TRIM72: variants seen among roughly 807,000 people sequenced by gnomAD.
TRIM72 encodes tripartite motif containing 72.
In TRIM72, 33 loss-of-function variants were observed where a neutral mutation model predicts 31.6. The ratio of observed to expected loss-of-function variants is 1.04; its 90% CI spans 0.79 to 1.40. TRIM72 has a LOEUF of 1.40. Ranked by LOEUF, TRIM72 falls within the 40% of genes most tolerant of loss-of-function variation. The pLI, the probability that TRIM72 is intolerant of heterozygous loss-of-function variation, is 0.00. For synonymous variants in TRIM72, 301 were observed against 314.4 expected (o/e 0.96, Z 0.45); for missense variants, 666 against 682.7 (o/e 0.98, Z 0.27).
In TRIM72 at chr16:31,224,443, G is replaced by C; in HGVS notation, c.1122G>C (p.Ala374=). The stretch of plus-strand genomic sequence containing the variant: ...CCCCCCGCCGCGGGCGCCTGCACGC[G>C]GTGCCCTCGCAGGGCCTGTGGCTGC... ...AEAPRRGRLH[A]VPSQGLWLLG... The change falls in exon 7 of 7, where the codon GCG becomes GCC. Residue 374 remains alanine, a synonymous_variant. Coordinates refer to ENST00000322122, the MANE Select transcript of TRIM72 (RefSeq NM_001008274.4). 7.0e-7 allele frequency: 1 copy of C among 1,437,072 alleles called. No homozygotes were observed. Among genetic ancestry groups the C allele is most frequent in the Non-Finnish European group, 9.0e-7 (1 of 1,108,362 alleles). 89.0% of individuals were successfully genotyped at this position (1,437,072 alleles called of 1,614,324 possible).
chr16:31,222,561 G>T (rs2079538783), intron 5 of TRIM72, among the ~76,000 whole-genome samples: 2 of 140,012 alleles, frequency 1.4e-5, no homozygotes, highest in African/African-American at 5.3e-5. Flanking sequence ...TGAGCCTCCT[G>T]AGTCAGCCTC....
chr16:31,222,988 T>C, intron 6 of TRIM72, 43 bp downstream of exon 6: 1 of 1,505,322 alleles, frequency 6.6e-7, no homozygotes, highest in Non-Finnish European at 9.1e-7. Flanking sequence ...GACCAGGCAG[T>C]TGATGGGAGG....
At chr16:31,224,109 C>G (rs1002563537) in intron 6 of TRIM72, 72 bp from the exon 7 acceptor site, 1 of 1,516,866 alleles carries the variant, frequency 6.6e-7, no homozygotes, top group African/African-American at 1.4e-5. Flanking sequence ...AGAAAGCTGG[C>G]CTGCAATTGG....
At chr16:31,220,038 C>G (rs960379588) in intron 4 of TRIM72, among the ~76,000 whole-genome samples, 1 of 151,118 alleles carries the variant, frequency 6.6e-6, no homozygotes, top group Non-Finnish European at 1.5e-5. Flanking sequence ...GCTGGGATTA[C>G]AGGCGTGAGC....
At position 31,226,224 on chromosome 16, in the gene TRIM72, G is replaced by A. The variant is rs993557301; in HGVS notation, c.*1469G>A. ...CTTCACTGTCAGTGTAGAGGCATAG[G>A]TCCAAAATATGTTTCCCCAGTCAAA... is the stretch of plus-strand genomic sequence containing the variant. On this transcript the variant is annotated 3_prime_UTR_variant, in exon 7 of 7. Coordinates refer to ENST00000322122, the MANE Select transcript of TRIM72 (RefSeq NM_001008274.4). 9.9e-5 allele frequency: 15 copies of A among 152,092 alleles called. No homozygotes were observed. The highest frequency in any genetic ancestry group is 3.6e-4 in the African/African-American group (15 of 41,404). 9.4% of individuals were successfully genotyped at this position (152,092 alleles called of 1,614,324 possible).
intron 5 of TRIM72, among the ~76,000 whole-genome samples, chr16:31,222,006 C>T (rs1359446475): frequency 2.6e-5 from 4 of 151,948 alleles, no homozygotes; most frequent in African/African-American, 4.8e-5. Context: ...AGAGGGCTGG[C>T]GAGTGGGAGG....
rs1196698742 is a variant in TRIM72 at position 31,215,803 on chromosome 16, T to C, written c.390+675T>C. 2.0e-5 allele frequency among the ~76,000 whole-genome samples: 3 copies of C among 152,040 alleles called. No homozygotes were observed. Among genetic ancestry groups the C allele is most frequent in the Admixed American group, 6.5e-5 (1 of 15,272 alleles). On this transcript the variant is annotated intron_variant, in intron 2 of 6. Transcript: ENST00000322122. This position sits in a 1 kb window ranked among gnomAD's most constrained non-coding sequence, Gnocchi z 6.3. ...GGTGGAGCTGGAAGTCCCGAAAGCC[T>C]TGGGAGCCCACACGCAGTTGTGCGC...
At chr16:31,222,740 G>T in intron 5 of TRIM72, 87 bp from the exon 6 acceptor site, 1 of 669,736 alleles carries the variant, frequency 1.5e-6, no homozygotes, top group Non-Finnish European at 2.5e-6. Flanking sequence ...GTTTTAAGCA[G>T]GGGTGCGATG....
At position 31,225,035 on chromosome 16, in the gene TRIM72, CA is replaced by C. The variant is rs1282989383; in HGVS notation, c.*285del. 2.1e-5 allele frequency: 6 copies of C among 284,900 alleles called. No homozygotes were observed. The highest frequency in any genetic ancestry group is 3.3e-5 in the Non-Finnish European group (5 of 153,640). The allele number at this position is 284,900 out of a possible 1,614,324, so 17.6% of individuals were successfully genotyped here. On this transcript the variant is annotated 3_prime_UTR_variant, in exon 7 of 7. Transcript: ENST00000322122. ...GTGAAACTCCTCTCTACTGAAAATA[CA>C]AAAATGAGCTGGGCGCGGTGGCATA...
Position 31,224,536 on chromosome 16 carries a change from C to T in TRIM72, c.1215C>T (p.Ser405=). ...VEAKEPRALR[S]PERRPTRIGL... The stretch of plus-strand genomic sequence containing the variant: ...CCAAGGAGCCGCGCGCTCTGCGCAG[C>T]CCCGAGAGGCGGCCCACGCGCATTG... The change falls in exon 7 of 7, where the codon AGC becomes AGT. Residue 405 remains serine, a synonymous_variant. Transcript: ENST00000322122. 6.6e-7 allele frequency: 1 copy of T among 1,522,410 alleles called. No individual in the cohort carries two copies. The highest frequency in any genetic ancestry group is 8.8e-7 in the Non-Finnish European group (1 of 1,139,178). The allele number at this position is 1,522,410 out of a possible 1,614,324, so 94.3% of individuals were successfully genotyped here. A position where few individuals can be genotyped will look rare whatever the true frequency, so the allele number is the denominator to read the frequency against.
At chr16:31,218,936 T>G (rs2079521231) in intron 2 of TRIM72, among the ~76,000 whole-genome samples, 159 bp from the exon 3 acceptor site, 1 of 152,034 alleles carries the variant, frequency 6.6e-6, no homozygotes, top group Non-Finnish European at 1.5e-5. Flanking sequence ...GGAGTAGCAC[T>G]GGCTGGGGCT....
rs2079525790 is a variant in TRIM72 at position 31,219,835 on chromosome 16, T to A, written c.717+316T>A. On this transcript the variant is annotated intron_variant, in intron 4 of 6. Transcript: ENST00000322122. The surrounding 1 kb of genome is among the most constrained non-coding windows in gnomAD (Gnocchi z 4.2). ...TGGAGTGCAGTGGCAGGATCTTGGC[T>A]CACTGCAAGCTCCGCCTCCTGGGTT... is the stretch of plus-strand genomic sequence containing the variant. Among the ~76,000 whole-genome samples the A allele has an allele frequency of 6.6e-6, 1 of 152,082 alleles. No homozygotes were observed. Among genetic ancestry groups the A allele is most frequent in the South Asian group, 2.1e-4 (1 of 4,830 alleles).
rs569815719 is a variant in TRIM72 at position 31,230,109 on chromosome 16, A to C, written c.*5354A>C. On this transcript the variant is annotated 3_prime_UTR_variant, in exon 7 of 7. Transcript: ENST00000322122. ...AATTAAAAGAAATTAAAGAATGTGT[A>C]AGCAAAAACTCAGTTGTATGTAAGA... 6.6e-6 allele frequency: 1 copy of C among 152,270 alleles called. No homozygotes were observed. Among genetic ancestry groups the C allele is most frequent in the Non-Finnish European group, 1.5e-5 (1 of 68,042 alleles). 9.4% of individuals were successfully genotyped at this position (152,270 alleles called of 1,614,324 possible).
Position 31,224,737 on chromosome 16 carries a change from C to T in TRIM72, c.1416C>T (p.Pro472=), listed in dbSNP as rs780152279. The T allele has an allele frequency of 1.1e-5, 16 of 1,503,842 alleles. No individual in the cohort carries two copies. In the South Asian group the frequency reaches 1.5e-4, roughly 14 times the overall value. The allele number at this position is 1,503,842 out of a possible 1,614,324, so 93.2% of individuals were successfully genotyped here. ...CCCAGCCGCTGCTGCTCGTGGGTCC[C>T]GAAGGCGCCGAGGCCTGAGCCGCCG... is the stretch of plus-strand genomic sequence containing the variant. ...KNAQPLLLVG[P]EGAEA Residue 472 remains proline (P), a synonymous_variant, in exon 7 of 7, where the codon CCC becomes CCT. Transcript: ENST00000322122.
intron 6 of TRIM72, among the ~76,000 whole-genome samples, chr16:31,223,316 G>A (rs765899801): frequency 6.6e-5 from 10 of 152,140 alleles, no homozygotes; most frequent in Non-Finnish European, 1.2e-4. Context: ...TGGAACCCTG[G>A]GGACTGGCCT....
rs1412150352 is a variant in TRIM72, at chr16:31,214,805, G to C, written c.67G>C (p.Ala23Pro). 5 of 1,577,984 alleles carry C rather than the reference G, an allele frequency of 3.2e-6. No individual in the cohort carries two copies. The highest frequency in any genetic ancestry group is 1.7e-5 in the Admixed American group (1 of 58,386). Reference protein sequence around the residue: ...SCPLCLQLFDAPVTAECGHSF... With the variant: ...SCPLCLQLFDPPVTAECGHSF... ...CCCGCTGTGCCTGCAGCTGTTCGAC[G>C]CGCCCGTGACAGCCGAGTGCGGCCA... is the stretch of plus-strand genomic sequence containing the variant. The change falls in exon 2 of 7, where the codon GCG becomes CCG. Residue 23 changes from alanine (A) to proline (P), a missense_variant. Coordinates refer to ENST00000322122, the MANE Select transcript of TRIM72 (RefSeq NM_001008274.4).
Position 31,215,004 on chromosome 16 carries a change from A to G in TRIM72, c.266A>G (p.His89Arg). Residue 89 changes from histidine (H) to arginine (R), a missense_variant, in exon 2 of 7, where the codon CAC (histidine) becomes CGC (arginine). Physicochemically the swap from His to Arg is conservative, Grantham distance 29. Coordinates refer to ENST00000322122, the MANE Select transcript of TRIM72 (RefSeq NM_001008274.4). The surrounding 1 kb of genome is among the most constrained non-coding windows in gnomAD (Gnocchi z 6.3). ...GTGCCGCAGGGCCACTGCGAGGAGCACCTGGACCCGCTGAGCATCTACTGC... is the reference window on the plus strand; with the variant it reads ...GTGCCGCAGGGCCACTGCGAGGAGCGCCTGGACCCGCTGAGCATCTACTGC... Reference protein sequence around the residue: ...AQVPQGHCEEHLDPLSIYCEQ... With the variant: ...AQVPQGHCEERLDPLSIYCEQ... 1 of 1,502,162 alleles carries G rather than the reference A, an allele frequency of 6.7e-7. No individual in the cohort carries two copies. Among genetic ancestry groups the G allele is most frequent in the Non-Finnish European group, 8.8e-7 (1 of 1,133,766 alleles). The allele number at this position is 1,502,162 out of a possible 1,614,324, so 93.1% of individuals were successfully genotyped here.
At chr16:31,221,030 C>T in intron 5 of TRIM72, 112 bp downstream of exon 5, 1 of 1,333,438 alleles carries the variant, frequency 7.5e-7, no homozygotes. Flanking sequence ...ATTCAGTCTG[C>T]TGCCCCACCC....
At position 31,225,625 on chromosome 16, in the gene TRIM72, CATTTCTTTTTTTT is replaced by C. The variant is rs1317028538; in HGVS notation, c.*884_*896del. The C allele has an allele frequency of 4.9e-5, 7 of 142,478 alleles. No homozygotes were observed. Among genetic ancestry groups the C allele is most frequent in the African/African-American group, 1.6e-4 (6 of 38,708 alleles). The allele number at this position is 142,478 out of a possible 1,614,324, so 8.8% of individuals were successfully genotyped here. Reference sequence around the variant, plus strand: ...GTAGGTTGGACAGGTCAAAAATGCTCATTTCTTTTTTTTATTTCTTTTTTTTTTTTTTTTTTTT... The same window carrying C: ...GTAGGTTGGACAGGTCAAAAATGCTCATTTCTTTTTTTTTTTTTTTTTTTT... On this transcript the variant is annotated 3_prime_UTR_variant, in exon 7 of 7. Coordinates refer to ENST00000322122, the MANE Select transcript of TRIM72 (RefSeq NM_001008274.4).
Sources: allele counts gnomAD v4.1 joint callset (sites outside exome capture counted in the v4.1 genomes callset), GRCh38; gene constraint gnomAD v4.1.1; non-coding constraint Gnocchi (gnomAD v3.1); transcripts MANE v1.5; gene names NCBI Gene and HGNC (gene_info 2026-07-23, HGNC 2026-07-21).